GALK2: variants seen among roughly 807,000 people sequenced by gnomAD.
GALK2 encodes galactokinase 2.
In GALK2, 36 loss-of-function variants were observed where a neutral mutation model predicts 52.4. The observed-to-expected ratio is 0.69, with a 90% CI of 0.53 to 0.91. The LOEUF is 0.91. GALK2 is among the 40% of genes least tolerant of loss of function. The probability of loss-of-function intolerance (pLI) is 0.00; values close to 1 mark genes in which losing one functional copy is unlikely to be tolerated. For synonymous variants in GALK2, 176 were observed against 199.1 expected (o/e 0.88, Z 0.98); for missense variants, 579 against 559.1 (o/e 1.04, Z -0.36).
chr15:49,244,434 G>T (rs1344589279), intron 5 of GALK2, among the ~76,000 whole-genome samples: 3 of 152,204 alleles, frequency 2.0e-5, no homozygotes, highest in Non-Finnish European at 4.4e-5. Context: ...AGAACGGAAA[G>T]AAATCATAAT....
chr15:49,308,542 G>A (rs572581153), intron 8 of GALK2, among the ~76,000 whole-genome samples: 81 of 152,240 alleles, frequency 5.3e-4, no homozygotes, highest in Admixed American at 1.8e-3. Flanking sequence ...AATACTTATT[G>A]CTTTTTAGCT....
At chr15:49,306,944 T>C (rs1235715584) in intron 8 of GALK2, among the ~76,000 whole-genome samples, 1 of 152,180 alleles carries the variant, frequency 6.6e-6, no homozygotes, top group Non-Finnish European at 1.5e-5. Context: ...CAAGACACTC[T>C]ATTAGGTTCC....
At chr15:49,213,709 C>A (rs757094331) in intron 2 of GALK2, among the ~76,000 whole-genome samples, 2 of 152,156 alleles carry the variant, frequency 1.3e-5, no homozygotes, top group Admixed American at 6.5e-5. Flanking sequence ...TACAGACTTA[C>A]TACTGCCATT....
chr15:49,159,667 CT>C (rs1241245478), intron 1 of GALK2, among the ~76,000 whole-genome samples: 2 of 151,700 alleles, frequency 1.3e-5, no homozygotes, highest in East Asian at 1.9e-4. Flanking sequence ...GAATTGACAC[CT>C]TTTTGGTCAT....
Position 49,329,754 on chromosome 15 carries a change from C to T in GALK2, c.*1595C>T, listed in dbSNP as rs1259936974. 4.1e-6 allele frequency: 4 copies of T among 970,754 alleles called. No individual in the cohort carries two copies. In the African/African-American group the frequency reaches 5.3e-5, roughly 13 times the overall value. The allele number at this position is 970,754 out of a possible 1,614,324, so 60.1% of individuals were successfully genotyped here. ...TATTTTTTAATACCGTGCCATTTTC[C>T]ACAAAGGATTTGTGGTTGGTATATA... On this transcript the variant is annotated 3_prime_UTR_variant, in exon 10 of 10. Transcript: ENST00000560031.
At chr15:49,163,274 T>C (rs6493351) in intron 1 of GALK2, among the ~76,000 whole-genome samples, 127,748 of 152,230 alleles carry the variant, frequency 0.84, 54,749 homozygotes, top group Non-Finnish European at 0.93. Flanking sequence ...ATTTGTCATC[T>C]ATGTATCTTC....
intron 3 of GALK2, among the ~76,000 whole-genome samples, chr15:49,228,687 A>ATATTTATATTTCTATTTTTTTTTTT (rs1555409061): frequency 7.0e-5 from 1 of 14,274 alleles, no homozygotes; most frequent in African/African-American, 3.4e-4. Flanking sequence ...ATATATATAT[A>ATATTTATATTTCTATTTTTTTTTTT]TTTTTTTTTT....
intron 5 of GALK2, among the ~76,000 whole-genome samples, chr15:49,262,211 G>T (rs1460313696): frequency 6.6e-6 from 1 of 152,018 alleles, no homozygotes; most frequent in Non-Finnish European, 1.5e-5. Context: ...ACTCTTTTTG[G>T]TTGGTAAGCT....
intron 1 of GALK2, among the ~76,000 whole-genome samples, chr15:49,163,206 A>G (rs1267420352): frequency 6.6e-6 from 1 of 152,208 alleles, no homozygotes; most frequent in Non-Finnish European, 1.5e-5. Flanking sequence ...GCAGTATACT[A>G]TTGTAGTTTT....
rs2034482823 is a variant in GALK2, at chr15:49,296,414, A to G, written c.967+3877A>G. On this transcript the variant is annotated intron_variant, in intron 8 of 9. Coordinates refer to ENST00000560031, the MANE Select transcript of GALK2 (RefSeq NM_002044.4). ...TTCCTGCATTAATTTGTTTAGGATA[A>G]TGTCCCTCAGCTGCATCCATGTTGC... Among the ~76,000 whole-genome samples the G allele has an allele frequency of 3.3e-5, 5 of 152,286 alleles. No homozygotes were observed. The South Asian group carries it at 6.2e-4, about 19-fold the overall frequency.
intron 3 of GALK2, among the ~76,000 whole-genome samples, chr15:49,360,816 TATAA>T (rs1344181262): frequency 4.6e-5 from 7 of 152,186 alleles, no homozygotes; most frequent in East Asian, 1.9e-4. Flanking sequence ...TTATCATCCT[TATAA>T]ATAAATATAC....
chr15:49,270,764 C>T (rs938492014), intron 5 of GALK2, among the ~76,000 whole-genome samples: 2 of 152,110 alleles, frequency 1.3e-5, no homozygotes, highest in Non-Finnish European at 2.9e-5. Flanking sequence ...CTTTCTCTTT[C>T]GTTTGCATCT....
chr15:49,178,187 AAG>A (rs2085625483), intron 1 of GALK2, among the ~76,000 whole-genome samples: 6 of 99,806 alleles, frequency 6.0e-5, no homozygotes, highest in South Asian at 3.9e-4. Flanking sequence ...AAAAAAAAAA[AAG>A]AAATACTATA....
At chr15:49,324,127 T>C (rs2037130030) in intron 9 of GALK2, among the ~76,000 whole-genome samples, 1 of 152,200 alleles carries the variant, frequency 6.6e-6, no homozygotes, top group Non-Finnish European at 1.5e-5. Context: ...TGTTTTTGTT[T>C]TGACACTTGT....
intron 5 of GALK2, among the ~76,000 whole-genome samples, chr15:49,258,298 G>C (rs539537938): frequency 6.6e-6 from 1 of 152,012 alleles, no homozygotes; most frequent in Non-Finnish European, 1.5e-5. Flanking sequence ...TAAAAGCCTT[G>C]AAGAAAAAGC....
intron 5 of GALK2, among the ~76,000 whole-genome samples, chr15:49,249,180 TA>T (rs2091484652): frequency 6.6e-6 from 1 of 152,216 alleles, no homozygotes; most frequent in Non-Finnish European, 1.5e-5. Flanking sequence ...AATACAAGGA[TA>T]GATAACCCCC....
chr15:49,278,266 A>C (rs961491590), intron 5 of GALK2, among the ~76,000 whole-genome samples: 3 of 152,224 alleles, frequency 2.0e-5, no homozygotes, highest in African/African-American at 4.8e-5. Flanking sequence ...GACTCAAAAA[A>C]ACAAAAACAA....
chr15:49,364,880 A>G (rs2044862394), intron 3 of GALK2, among the ~76,000 whole-genome samples: 1 of 152,064 alleles, frequency 6.6e-6, no homozygotes, highest in East Asian at 1.9e-4. Flanking sequence ...AATATACTCT[A>G]TGTAATACAT....
intron 1 of GALK2, among the ~76,000 whole-genome samples, chr15:49,180,304 A>C (rs1216089920): frequency 6.6e-6 from 1 of 152,230 alleles, no homozygotes; most frequent in African/African-American, 2.4e-5. Flanking sequence ...ATTAACCCCT[A>C]TTAAGGCTAG....
Sources: gnomAD v4.1 joint callset for allele counts (sites outside exome capture counted in the v4.1 genomes callset) on GRCh38, gnomAD v4.1.1 for gene constraint, MANE v1.5 for transcripts, NCBI Gene and HGNC (gene_info 2026-07-23, HGNC 2026-07-21) for gene names.